Variants in CYP4X1 observed in about 807,000 individuals in gnomAD.
CYP4X1 encodes cytochrome P450 family 4 subfamily X member 1, also known as cytochrome P450 4X1.
In CYP4X1, 44 loss-of-function variants were observed where a neutral mutation model predicts 57.9. The observed-to-expected ratio is 0.76, with a 90% CI of 0.60 to 0.98. The LOEUF (loss-of-function observed/expected upper bound fraction) is 0.98, where lower values mean the gene tolerates loss of function less well. CYP4X1 is among the 50% of genes least tolerant of loss of function. CYP4X1 has a pLI of 0.00. For missense variants in CYP4X1, 532 were observed against 623.9 expected (o/e 0.85, Z 1.57); for synonymous variants, 227 against 228.6 (o/e 0.99, Z 0.06).
rs77761026 is a variant in CYP4X1 at position 47,044,679 on chromosome 1, T to C, written c.1074-1788T>C. 5.0e-3 allele frequency among the ~76,000 whole-genome samples: 755 copies of C among 152,340 alleles called. 13 individuals carry two copies. Among genetic ancestry groups the C allele is most frequent in the East Asian group, 0.047 (245 of 5,190 alleles). On this transcript the variant is annotated intron_variant, in intron 8 of 11. Coordinates refer to ENST00000371901, the MANE Select transcript of CYP4X1 (RefSeq NM_178033.2). ...ATTAGCATTTTTTGTAAGATGGGTC[T>C]AGTAGTGGTGAACACCCTCAACTTT... is the stretch of plus-strand genomic sequence containing the variant.
chr1:47,024,042 G>T, intron 1 of CYP4X1, 48 bp downstream of exon 1: 2 of 1,566,732 alleles, frequency 1.3e-6, no homozygotes, highest in Non-Finnish European at 1.7e-6. Flanking sequence ...GGCGGAGGAG[G>T]ATGCGGCAGA....
the CYP4X1 span, among the ~76,000 whole-genome samples, chr1:47,013,766 T>C: frequency 6.8e-6 from 1 of 146,992 alleles, no homozygotes; most frequent in East Asian, 2.0e-4. Context: ...ACTCTTTTTT[T>C]TTTTTTTTTT....
chr1:46,984,215 G>C, the CYP4X1 span, among the ~76,000 whole-genome samples: 3,596 of 152,038 alleles, frequency 0.024, 141 homozygotes, highest in African/African-American at 0.083. Flanking sequence ...CTCACTCACT[G>C]TTTCCCCAGT....
At chr1:47,013,773 T>C in the CYP4X1 span, among the ~76,000 whole-genome samples, 37 of 147,662 alleles carry the variant, frequency 2.5e-4, no homozygotes, top group African/African-American at 9.3e-4. Flanking sequence ...TTTTTTTTTT[T>C]TTTTTTTGAG....
the CYP4X1 span, among the ~76,000 whole-genome samples, chr1:47,001,637 G>A: frequency 3.5e-4 from 53 of 152,244 alleles, no homozygotes; most frequent in Middle Eastern, 3.4e-3. Context: ...CTTACGCCTC[G>A]GTCCAATAGC....
chr1:47,012,389 C>G, the CYP4X1 span, among the ~76,000 whole-genome samples: 20 of 152,032 alleles, frequency 1.3e-4, no homozygotes, highest in African/African-American at 4.8e-4. Context: ...TGGGGAACAT[C>G]GCACACCAGG....
At chr1:46,984,686 C>A in the CYP4X1 span, among the ~76,000 whole-genome samples, 1 of 152,154 alleles carries the variant, frequency 6.6e-6, no homozygotes, top group Non-Finnish European at 1.5e-5. Context: ...CCAGATACTA[C>A]GCTTTTCCCA....
chr1:46,971,534 C>G, the CYP4X1 span, among the ~76,000 whole-genome samples: 24 of 152,296 alleles, frequency 1.6e-4, no homozygotes, highest in African/African-American at 5.8e-4. Flanking sequence ...TGTACATTCC[C>G]ACCAGCACCA....
chr1:47,046,063 C>T (rs1030341498), intron 8 of CYP4X1, among the ~76,000 whole-genome samples: 1 of 152,194 alleles, frequency 6.6e-6, no homozygotes, highest in African/African-American at 2.4e-5. Flanking sequence ...AGCACCCTTC[C>T]TTTTCCATGG....
At chr1:47,041,292 C>T (rs755018945) in intron 8 of CYP4X1, among the ~76,000 whole-genome samples, 4 of 152,110 alleles carry the variant, frequency 2.6e-5, no homozygotes, top group East Asian at 1.9e-4. Flanking sequence ...GATTTCATTT[C>T]GTTTGGTTGT....
rs1010232269 is a variant in CYP4X1, at chr1:47,023,930, G to A, written c.113G>A (p.Arg38Gln). The change falls in exon 1 of 12, where the codon CGG (arginine) becomes CAG (glutamine). Residue 38 changes from arginine to glutamine, a missense_variant. Transcript: ENST00000371901. ...ATTAAGCTGTACCTGCGGAGGCAGC[G>A]GCTGCTGCGGGACCTGCGCCCCTTC... ...QAIKLYLRRQ[R>Q]LLRDLRPFPA... 1.2e-6 allele frequency: 2 copies of A among 1,613,406 alleles called. No individual in the cohort carries two copies. Among genetic ancestry groups the A allele is most frequent in the Admixed American group, 3.3e-5 (2 of 60,000 alleles).
the CYP4X1 span, among the ~76,000 whole-genome samples, chr1:46,965,828 A>T: frequency 6.6e-6 from 1 of 152,194 alleles, no homozygotes; most frequent in Non-Finnish European, 1.5e-5. Flanking sequence ...CAAACCATGG[A>T]GATGATGGCC....
chr1:46,969,084 T>A, the CYP4X1 span, among the ~76,000 whole-genome samples: 148 of 152,222 alleles, frequency 9.7e-4, no homozygotes, highest in African/African-American at 3.5e-3. Flanking sequence ...TGGGGGCAGA[T>A]CCCTCATTAT....
the CYP4X1 span, among the ~76,000 whole-genome samples, chr1:46,982,440 C>G: frequency 6.6e-6 from 1 of 152,214 alleles, no homozygotes; most frequent in Non-Finnish European, 1.5e-5. Flanking sequence ...TAGCGAGACA[C>G]TCTGGCTTCT....
the CYP4X1 span, chr1:46,961,704 C>T: frequency 7.7e-7 from 1 of 1,297,958 alleles, no homozygotes; most frequent in Admixed American, 2.3e-5. Flanking sequence ...CCAACTTCTT[C>T]ACTTGCAGAA....
At chr1:47,012,965 C>G in the CYP4X1 span, among the ~76,000 whole-genome samples, 53 of 151,724 alleles carry the variant, frequency 3.5e-4, no homozygotes, top group African/African-American at 1.3e-3. Flanking sequence ...ATTTTTTTTC[C>G]TACGTTTTGT....
At chr1:47,007,712 C>A in the CYP4X1 span, among the ~76,000 whole-genome samples, 1 of 152,034 alleles carries the variant, frequency 6.6e-6, no homozygotes, top group South Asian at 2.1e-4. Context: ...CTAGAATAAC[C>A]CAATGCAGGG....
the CYP4X1 span, among the ~76,000 whole-genome samples, chr1:47,007,111 G>A: frequency 6.6e-6 from 1 of 152,250 alleles, no homozygotes; most frequent in Non-Finnish European, 1.5e-5. Context: ...GGAGATCTGA[G>A]AACAGACAGA....
chr1:47,014,129 G>A, the CYP4X1 span, among the ~76,000 whole-genome samples: 2 of 152,094 alleles, frequency 1.3e-5, no homozygotes, highest in East Asian at 1.9e-4. Flanking sequence ...TATTTAATAA[G>A]GAAAACAGAT....
Sources: gnomAD v4.1 joint callset for allele counts (sites outside exome capture counted in the v4.1 genomes callset) on GRCh38, gnomAD v4.1.1 for gene constraint, MANE v1.5 for transcripts, NCBI Gene and HGNC (gene_info 2026-07-23, HGNC 2026-07-21) for gene names.